COL24A1: variants seen among roughly 807,000 people sequenced by gnomAD.
COL24A1 encodes the protein collagen alpha-1(XXIV) chain.
A neutral mutation model predicts 253.9 loss-of-function variants in COL24A1; 224 were observed. The ratio of observed to expected loss-of-function variants is 0.88; its 90% CI spans 0.79 to 0.99. The LOEUF (loss-of-function observed/expected upper bound fraction) is 0.99, where lower values mean the gene tolerates loss of function less well. COL24A1 is among the 50% of genes least tolerant of loss of function. The pLI is 0.00. For missense variants in COL24A1, 2,131 were observed against 2,068.5 expected (o/e 1.03, Z -0.59); for synonymous variants, 685 against 673.7 (o/e 1.02, Z -0.26).
intron 28 of COL24A1, among the ~76,000 whole-genome samples, chr1:85,905,755 C>T (rs952668023): frequency 3.3e-5 from 5 of 152,072 alleles, no homozygotes; most frequent in African/African-American, 7.2e-5. Flanking sequence ...GCAGAACAAA[C>T]GAACTTTCCA....
At chr1:85,998,524 G>A (rs1571538838) in intron 19 of COL24A1, among the ~76,000 whole-genome samples, 3 of 152,238 alleles carry the variant, frequency 2.0e-5, no homozygotes, top group Admixed American at 1.3e-4. Flanking sequence ...GAATGTATCT[G>A]ACCCATTTTT....
At chr1:85,851,022 T>TCC in intron 37 of COL24A1, among the ~76,000 whole-genome samples, 1 of 119,540 alleles carries the variant, frequency 8.4e-6, no homozygotes, top group African/African-American at 2.7e-5. Flanking sequence ...TATATATATC[T>TCC]ACATATATAT....
chr1:85,854,640 T>C (rs915971368), intron 37 of COL24A1, among the ~76,000 whole-genome samples: 1 of 152,158 alleles, frequency 6.6e-6, no homozygotes, highest in African/African-American at 2.4e-5. Context: ...CTCTGATTTC[T>C]TTCAGCAGTG....
intron 59 of COL24A1, among the ~76,000 whole-genome samples, chr1:85,733,528 G>A (rs1289722178): frequency 1.3e-5 from 2 of 152,010 alleles, no homozygotes; most frequent in Non-Finnish European, 2.9e-5. Flanking sequence ...GCCAACACCT[G>A]CTCTAAGAAA....
At chr1:85,748,587 A>C (rs548546589) in intron 55 of COL24A1, among the ~76,000 whole-genome samples, 135 of 151,166 alleles carry the variant, frequency 8.9e-4, no homozygotes, top group Non-Finnish European at 1.5e-3. Context: ...AGCCACGCAG[A>C]AGACGGGTGA....
intron 28 of COL24A1, among the ~76,000 whole-genome samples, chr1:85,901,824 C>CAAAAAAAA (rs55862441): frequency 6.2e-4 from 36 of 57,774 alleles, no homozygotes; most frequent in South Asian, 9.7e-4. Flanking sequence ...GACTCCGTCT[C>CAAAAAAAA]AAAAAAAAAA....
chr1:85,944,402 T>C (rs373441459), intron 24 of COL24A1, among the ~76,000 whole-genome samples: 278 of 152,326 alleles, frequency 1.8e-3, no homozygotes, highest in Middle Eastern at 0.01. Flanking sequence ...GCCTAGGAAG[T>C]GTTCTGTTGT....
intron 5 of COL24A1, among the ~76,000 whole-genome samples, chr1:86,109,243 T>A (rs1229718242): frequency 6.6e-6 from 1 of 152,194 alleles, no homozygotes; most frequent in East Asian, 1.9e-4. Flanking sequence ...CTATTACTTA[T>A]CCAGACTTGA....
chr1:86,134,968 T>C (rs1557773068), intron 2 of COL24A1, among the ~76,000 whole-genome samples: 1 of 151,462 alleles, frequency 6.6e-6, no homozygotes, highest in Non-Finnish European at 1.5e-5. Flanking sequence ...CTCCCATTAT[T>C]ATTGTGTGGG....
intron 20 of COL24A1, among the ~76,000 whole-genome samples, chr1:85,974,401 T>C (rs1428989310): frequency 6.6e-6 from 1 of 152,132 alleles, no homozygotes; most frequent in Non-Finnish European, 1.5e-5. Flanking sequence ...CTATAAAATG[T>C]AAATTAAGAA....
chr1:86,120,612 G>T (rs979738069), intron 3 of COL24A1, among the ~76,000 whole-genome samples: 6 of 152,152 alleles, frequency 3.9e-5, no homozygotes, highest in African/African-American at 1.4e-4. Flanking sequence ...ACACCAGTTA[G>T]AATGGCGATC....
At chr1:85,937,475 T>C (rs772192363) in intron 24 of COL24A1, among the ~76,000 whole-genome samples, 1 of 147,530 alleles carries the variant, frequency 6.8e-6, no homozygotes, top group Non-Finnish European at 1.5e-5. Flanking sequence ...GATCTTTGTA[T>C]CACATGTCAA....
intron 19 of COL24A1, among the ~76,000 whole-genome samples, chr1:85,990,114 G>A (rs1391194032): frequency 6.6e-6 from 1 of 151,946 alleles, no homozygotes; most frequent in Non-Finnish European, 1.5e-5. Context: ...TGAATGACTG[G>A]TTTGTTTTTT....
intron 7 of COL24A1, among the ~76,000 whole-genome samples, chr1:86,086,586 T>C (rs10782563): frequency 0.49 from 73,808 of 151,920 alleles, 18,306 homozygotes; most frequent in Non-Finnish European, 0.52. Flanking sequence ...GAATAAGTCT[T>C]TCCCTAGGAA....
At chr1:85,997,309 A>G (rs1694924989) in intron 19 of COL24A1, among the ~76,000 whole-genome samples, 1 of 151,924 alleles carries the variant, frequency 6.6e-6, no homozygotes, top group Admixed American at 6.6e-5. Flanking sequence ...ATATTGGGCA[A>G]TAAAGATGTG....
In COL24A1 at chr1:86,033,904, C is replaced by A. The variant is rs184891690; in HGVS notation, c.1970G>T (p.Gly657Val). The A allele has an allele frequency of 5.4e-3, 8,559 of 1,594,726 alleles. 30 individuals are homozygous for A. Among genetic ancestry groups the A allele is most frequent in the Non-Finnish European group, 6.8e-3 (7,916 of 1,172,212 alleles). The change falls in exon 13 of 60, where the codon GGA (glycine) becomes GTA (valine). Residue 657 changes from glycine to valine, a missense_variant. Physicochemically the swap from Gly to Val is moderately radical, Grantham distance 109. Coordinates refer to ENST00000370571, the MANE Select transcript of COL24A1 (RefSeq NM_152890.7). ...ATCAAGACCAGCAGGGCCTCTGTCT[C>A]CAAAGTCACCTGGAAAACCCTGTCA... ...KGRQGFPGDF[G>V]DRGPAGLDGS...
chr1:86,092,639 A>G (rs964289177), intron 5 of COL24A1, among the ~76,000 whole-genome samples: 1 of 151,884 alleles, frequency 6.6e-6, no homozygotes, highest in African/African-American at 2.4e-5. Flanking sequence ...TTTGTGACAT[A>G]TTGAGTTGTT....
chr1:86,138,072 C>T (rs558252507), intron 2 of COL24A1, among the ~76,000 whole-genome samples: 49 of 152,254 alleles, frequency 3.2e-4, no homozygotes, highest in African/African-American at 1.1e-3. Context: ...CTTAAACCCA[C>T]CCAACTAATT....
rs1476595650 is a variant in COL24A1, at chr1:86,106,771, A to T, written c.1599+5796T>A. On this transcript the variant is annotated intron_variant, in intron 5 of 59. Transcript: ENST00000370571. The stretch of plus-strand genomic sequence containing the variant: ...AATTTAGTTTCTTATTTTTTTTAAG[A>T]AGAACATTGTTTCTACCATCAGTCT... Among the ~76,000 whole-genome samples the T allele has an allele frequency of 2.6e-5, 4 of 152,196 alleles. No individual in the cohort carries two copies. The South Asian group carries it at 8.3e-4, about 32-fold the overall frequency.
Sources: allele counts gnomAD v4.1 joint callset (sites outside exome capture counted in the v4.1 genomes callset), GRCh38; gene constraint gnomAD v4.1.1; transcripts MANE v1.5; gene names NCBI Gene and HGNC (gene_info 2026-07-23, HGNC 2026-07-21).